The following RPS6KA2 variants were observed in gnomAD, a reference collection of about 807,000 sequenced individuals.
RPS6KA2 encodes the protein ribosomal protein S6 kinase alpha-2.
In RPS6KA2, 42 loss-of-function variants were observed where a neutral mutation model predicts 91.8. The observed-to-expected ratio is 0.46, with a 90% CI of 0.36 to 0.59. The LOEUF is 0.59. Ranked by LOEUF, RPS6KA2 falls within the 20% of genes least tolerant of loss-of-function variation. RPS6KA2 has a pLI of 0.00. For missense variants in RPS6KA2, 798 were observed against 978.5 expected (o/e 0.82, Z 2.46); for synonymous variants, 414 against 393.6 (o/e 1.05, Z -0.61).
chr6:166,586,439 C>T, intron 1 of RPS6KA2: 1 of 1,599,866 alleles, frequency 6.3e-7, no homozygotes, highest in Non-Finnish European at 8.5e-7. Context: ...TAGCAAACAT[C>T]TCTTCAAAAT....
At chr6:166,466,237 C>T (rs1052726659) in intron 11 of RPS6KA2, among the ~76,000 whole-genome samples, 3 of 152,224 alleles carry the variant, frequency 2.0e-5, no homozygotes, top group Non-Finnish European at 4.4e-5. Flanking sequence ...TGAGCAGAGG[C>T]GCTGTGTAGA....
chr6:166,821,328 G>A lies in RPS6KA2; in HGVS notation c.123+36872C>T, dbSNP rs1779898470. Reference sequence around the variant, plus strand: ...CAAATCAGCCTTCAATTCCCTCTGGGGAGGGGCCTGGTTGTCCTCTTTGGG... The same window carrying A: ...CAAATCAGCCTTCAATTCCCTCTGGAGAGGGGCCTGGTTGTCCTCTTTGGG... On this transcript the variant is annotated intron_variant, in intron 2 of 21. Coordinates refer to the RPS6KA2 transcript ENST00000503859. This position sits in a 1 kb window ranked among gnomAD's most constrained non-coding sequence, Gnocchi z 4.1. Among the ~76,000 whole-genome samples the A allele has an allele frequency of 6.6e-6, 1 of 152,076 alleles. No homozygotes were observed. Among genetic ancestry groups the A allele is most frequent in the Non-Finnish European group, 1.5e-5 (1 of 68,020 alleles).
chr6:166,439,622 T>G (rs1779456476), intron 14 of RPS6KA2, among the ~76,000 whole-genome samples: 1 of 152,052 alleles, frequency 6.6e-6, no homozygotes, highest in African/African-American at 2.4e-5. Flanking sequence ...GAACAACCCA[T>G]GCAGGGGGAA....
chr6:166,514,531 G>A (rs1420304611), intron 3 of RPS6KA2, among the ~76,000 whole-genome samples: 1 of 152,222 alleles, frequency 6.6e-6, no homozygotes, highest in Non-Finnish European at 1.5e-5. Context: ...TACCCTCAGG[G>A]ATGCCAGTGG....
At chr6:166,616,150 C>T (rs1043696439) in intron 1 of RPS6KA2, among the ~76,000 whole-genome samples, 2 of 152,124 alleles carry the variant, frequency 1.3e-5, no homozygotes, top group Admixed American at 6.5e-5. Context: ...CACCTGAGAG[C>T]CCCCCAGCAC....
chr6:166,762,368 G>C (rs966269303), intron 2 of RPS6KA2, among the ~76,000 whole-genome samples: 8 of 152,200 alleles, frequency 5.3e-5, no homozygotes, highest in African/African-American at 1.9e-4. Flanking sequence ...GTGTGCGTGT[G>C]TGTGTTTGTA....
At chr6:166,518,299 A>ACACTTATC (rs1782730922) in intron 3 of RPS6KA2, among the ~76,000 whole-genome samples, 1 of 151,846 alleles carries the variant, frequency 6.6e-6, no homozygotes, top group Admixed American at 6.6e-5. Flanking sequence ...ATAAAGTTGA[A>ACACTTATC]CACTTATCTG....
chr6:166,841,566 TCAG>T (rs1372861410), intron 2 of RPS6KA2, among the ~76,000 whole-genome samples: 4 of 152,206 alleles, frequency 2.6e-5, no homozygotes, highest in African/African-American at 9.7e-5. Flanking sequence ...ATAGAAAAAC[TCAG>T]CAGGTCTGAG....
chr6:166,695,788 C>T (rs535251430), intron 2 of RPS6KA2, among the ~76,000 whole-genome samples: 6 of 141,728 alleles, frequency 4.2e-5, no homozygotes, highest in Admixed American at 6.8e-5. Flanking sequence ...TGGATTCTCA[C>T]AGGAGCACTG....
intron 2 of RPS6KA2, among the ~76,000 whole-genome samples, chr6:166,683,143 T>C (rs1385226347): frequency 6.6e-6 from 1 of 152,164 alleles, no homozygotes; most frequent in African/African-American, 2.4e-5. Flanking sequence ...ACATGCAACA[T>C]GACTCTTTCT....
At chr6:166,771,666 A>G (rs1778475957) in intron 2 of RPS6KA2, among the ~76,000 whole-genome samples, 1 of 152,204 alleles carries the variant, frequency 6.6e-6, no homozygotes, top group Non-Finnish European at 1.5e-5. Flanking sequence ...CCACTGAAAT[A>G]TAAGAGATGA....
intron 1 of RPS6KA2, among the ~76,000 whole-genome samples, chr6:166,611,938 T>A (rs1348015435): frequency 6.6e-6 from 1 of 152,102 alleles, no homozygotes; most frequent in African/African-American, 2.4e-5. Context: ...AGGATGCAGA[T>A]CTCCCTGGGG....
At chr6:166,812,083 G>C (rs1037825214) in intron 2 of RPS6KA2, among the ~76,000 whole-genome samples, 1 of 152,162 alleles carries the variant, frequency 6.6e-6, no homozygotes, top group African/African-American at 2.4e-5. Flanking sequence ...GGTCGGTTGT[G>C]GTGGCTCAAG....
chr6:166,594,662 C>G (rs963465618), intron 1 of RPS6KA2, among the ~76,000 whole-genome samples: 4 of 152,316 alleles, frequency 2.6e-5, no homozygotes, highest in South Asian at 2.1e-4. Context: ...CGGAGCTTCA[C>G]TGTGTTAGCC....
intron 2 of RPS6KA2, among the ~76,000 whole-genome samples, chr6:166,643,133 C>G (rs1324290008): frequency 6.6e-6 from 1 of 152,200 alleles, no homozygotes; most frequent in African/African-American, 2.4e-5. Context: ...CTCTGATCTT[C>G]CAATATCCAC....
At chr6:166,701,518 G>T in intron 2 of RPS6KA2, 1 of 1,421,788 alleles carries the variant, frequency 7.0e-7, no homozygotes, top group Non-Finnish European at 9.9e-7. Context: ...AATCTTACTT[G>T]AAGCTCCAGC....
At chr6:166,687,494 GT>G (rs1408276969) in intron 2 of RPS6KA2, among the ~76,000 whole-genome samples, 1 of 152,204 alleles carries the variant, frequency 6.6e-6, no homozygotes, top group African/African-American at 2.4e-5. Flanking sequence ...GGCCAGCGGG[GT>G]TTTTCACCCA....
rs1782316685 is a variant in RPS6KA2, at chr6:166,508,062, C to G, written c.459+141G>C. 5.0e-6 allele frequency: 3 copies of G among 605,780 alleles called. No individual in the cohort carries two copies. Among genetic ancestry groups the G allele is most frequent in the Non-Finnish European group, 9.0e-6 (3 of 334,252 alleles). The allele number at this position is 605,780 out of a possible 1,614,324, so 37.5% of individuals were successfully genotyped here. A position where few individuals can be genotyped will look rare whatever the true frequency, so the allele number is the denominator to read the frequency against. ...TCCCACACACGCACTCTTGCACACA[C>G]TCACACATGCACACACCCCCACACA... On this transcript the variant is annotated intron_variant, in intron 5 of 20. Transcript: ENST00000265678. The surrounding 1 kb of genome is among the most constrained non-coding windows in gnomAD (Gnocchi z 4.3).
chr6:166,582,242 G>A (rs1394632393), intron 1 of RPS6KA2, among the ~76,000 whole-genome samples: 7 of 152,160 alleles, frequency 4.6e-5, no homozygotes, highest in Non-Finnish European at 5.9e-5. Context: ...GCACAGAGAG[G>A]GTGAGCACAG....
Sources: allele counts gnomAD v4.1 joint callset (sites outside exome capture counted in the v4.1 genomes callset), GRCh38; gene constraint gnomAD v4.1.1; non-coding constraint Gnocchi (gnomAD v3.1); transcripts MANE v1.5; gene names NCBI Gene and HGNC (gene_info 2026-07-23, HGNC 2026-07-21).